SLC25A51: variants seen among roughly 807,000 people sequenced by gnomAD.
SLC25A51 encodes the protein mitochondrial nicotinamide adenine dinucleotide transporter SLC25A51.
A neutral mutation model predicts 19.1 loss-of-function variants in SLC25A51; 11 were observed. That is an observed-to-expected ratio of 0.58 (90% CI 0.36 to 0.96). The LOEUF (loss-of-function observed/expected upper bound fraction) is 0.96. SLC25A51 is among the 40% of genes least tolerant of loss of function. The probability of loss-of-function intolerance (pLI) is 0.01; values close to 1 mark genes in which losing one functional copy is unlikely to be tolerated. For missense variants in SLC25A51, 201 were observed against 365.4 expected, an observed-to-expected ratio of 0.55 and a Z score of 3.67; for synonymous variants, 105 against 133.6, an observed-to-expected ratio of 0.79 and a Z score of 1.47.
At position 37,888,492 on chromosome 9, in the gene SLC25A51, T is replaced by A; in HGVS notation, c.59A>T (p.Asp20Val). The A allele has an allele frequency of 6.2e-7, 1 of 1,614,186 alleles. No individual in the cohort carries two copies. The highest frequency in any genetic ancestry group is 2.2e-5 in the East Asian group (1 of 44,890). ...RPPILTSSKQ[D>V]ISPHITNVGE... Reference sequence around the variant, plus strand: ...AACATTTGTAATATGAGGTGATATATCTTGTTTTGAAGATGTTAGTATTGG... The same window carrying A: ...AACATTTGTAATATGAGGTGATATAACTTGTTTTGAAGATGTTAGTATTGG... Residue 20 changes from aspartate to valine, a missense_variant, in exon 3 of 3, where the codon GAT (aspartate) becomes GTT (valine). Transcript: ENST00000242275.
At chr9:37,887,553 A>T, downstream of SLC25A51, 2 of 1,361,144 alleles carry the variant, frequency 1.5e-6, no homozygotes, top group Admixed American at 2.7e-5. Flanking sequence ...GGCTTTCCAT[A>T]ATAAGATTGG....
At chr9:37,882,607 CAAGA>C (rs1355538927), downstream of SLC25A51, among the ~76,000 whole-genome samples, 19 of 152,252 alleles carry the variant, frequency 1.2e-4, no homozygotes, top group Middle Eastern at 6.8e-3. Context: ...ACAAATGAAA[CAAGA>C]AAGACACACA....
chr9:37,877,930 C>A (rs1831283380), downstream of SLC25A51, among the ~76,000 whole-genome samples: 2 of 152,112 alleles, frequency 1.3e-5, no homozygotes, highest in African/African-American at 2.4e-5. Context: ...ATCGCTTGAG[C>A]CTGGGAGGCT....
chr9:37,882,913 G>A (rs1831377146), downstream of SLC25A51, among the ~76,000 whole-genome samples: 2 of 152,018 alleles, frequency 1.3e-5, no homozygotes, highest in African/African-American at 2.4e-5. Context: ...GCGCAATCTC[G>A]GCTCACTGCA....
At chr9:37,901,045 T>G (rs1417085849) in intron 1 of SLC25A51, among the ~76,000 whole-genome samples, 2 of 152,132 alleles carry the variant, frequency 1.3e-5, no homozygotes, top group Non-Finnish European at 2.9e-5. Context: ...TTTGTATGTT[T>G]TGTAGAGACA....
downstream of SLC25A51, chr9:37,885,650 C>T: frequency 1.1e-6 from 1 of 944,834 alleles, no homozygotes; most frequent in African/African-American, 1.6e-5. Context: ...TCAGAGAAGA[C>T]TCGGAACCCC....
downstream of SLC25A51, chr9:37,886,206 A>T (rs1831453610): frequency 2.6e-5 from 40 of 1,558,030 alleles, no homozygotes; most frequent in South Asian, 4.0e-4. Flanking sequence ...CCACAGACTG[A>T]CAAGAAAGGA....
downstream of SLC25A51, chr9:37,878,901 A>T: frequency 5.6e-6 from 1 of 179,010 alleles, no homozygotes. Flanking sequence ...TACAGGCGTG[A>T]GCCACCACTC....
intron 2 of SLC25A51, among the ~76,000 whole-genome samples, chr9:37,891,828 C>T (rs1831593890): frequency 1.5e-5 from 2 of 129,866 alleles, no homozygotes; most frequent in South Asian, 2.4e-4. Flanking sequence ...TCCCCCTCTG[C>T]GAGAAACACC....
chr9:37,887,014 A>AC (rs1350798782), downstream of SLC25A51, among the ~76,000 whole-genome samples: 2 of 150,906 alleles, frequency 1.3e-5, no homozygotes, highest in African/African-American at 4.9e-5. Flanking sequence ...ATACAAAAAA[A>AC]AAAAAAAATT....
chr9:37,897,866 G>A (rs1831755467), intron 2 of SLC25A51, among the ~76,000 whole-genome samples: 2 of 152,036 alleles, frequency 1.3e-5, no homozygotes, highest in Admixed American at 1.3e-4. Context: ...GATCAGCTGA[G>A]TCATATATGA....
intron 2 of SLC25A51, among the ~76,000 whole-genome samples, chr9:37,890,429 C>T (rs922015615): frequency 4.6e-5 from 7 of 151,956 alleles, no homozygotes; most frequent in South Asian, 2.1e-4. Flanking sequence ...AGTAGTCAGG[C>T]GCAGTGGCTC....
chr9:37,882,205 T>C (rs1215513660), intron 2 of SLC25A51, among the ~76,000 whole-genome samples: 2 of 152,198 alleles, frequency 1.3e-5, no homozygotes, highest in Non-Finnish European at 1.5e-5. Flanking sequence ...AGAAAAGAAA[T>C]ATTTTAATTT....
intron 2 of SLC25A51, among the ~76,000 whole-genome samples, chr9:37,893,100 GCTTCTGGGCTGAAGTGATC>G (rs1176824083): frequency 2.6e-5 from 4 of 152,026 alleles, no homozygotes; most frequent in Admixed American, 1.3e-4. Flanking sequence ...CTGGTCTTGA[GCTTCTGGGCTGAAGTGATC>G]CAACTGCCTC....
At chr9:37,886,061 G>T, downstream of SLC25A51, 2 of 1,609,476 alleles carry the variant, frequency 1.2e-6, no homozygotes, top group South Asian at 2.2e-5. Context: ...CAACTGTACA[G>T]GGCTAAATTT....
chr9:37,894,070 T>C (rs1005420066), intron 2 of SLC25A51, among the ~76,000 whole-genome samples: 3 of 152,200 alleles, frequency 2.0e-5, no homozygotes, highest in African/African-American at 4.8e-5. Context: ...AGCACAGAGA[T>C]ACCTGAGCGT....
At chr9:37,891,680 C>A (rs1194283239) in intron 2 of SLC25A51, among the ~76,000 whole-genome samples, 1 of 151,864 alleles carries the variant, frequency 6.6e-6, no homozygotes, top group Non-Finnish European at 1.5e-5. Context: ...GAGTCATCAC[C>A]ACTCCCTAAT....
At chr9:37,886,216 AC>A (rs1831453912), downstream of SLC25A51, 1 of 1,575,520 alleles carries the variant, frequency 6.3e-7, no homozygotes, top group Non-Finnish European at 8.7e-7. Flanking sequence ...ACAAGAAAGG[AC>A]GGGCTGTCTC....
intron 2 of SLC25A51, among the ~76,000 whole-genome samples, chr9:37,892,204 G>A (rs1313439213): frequency 6.6e-6 from 1 of 152,240 alleles, no homozygotes; most frequent in Non-Finnish European, 1.5e-5. Context: ...AATCATGGAA[G>A]GTATCAAGGC....
Sources: gnomAD v4.1 joint callset for allele counts (sites outside exome capture counted in the v4.1 genomes callset) on GRCh38, gnomAD v4.1.1 for gene constraint, MANE v1.5 for transcripts, NCBI Gene and HGNC (gene_info 2026-07-23, HGNC 2026-07-21) for gene names.